The following TULP4 variants were observed in gnomAD, a reference collection of about 807,000 sequenced individuals.
TULP4 encodes the protein tubby-related protein 4.
TULP4 carries 16 observed loss-of-function variants against 129.0 expected under a neutral mutation model. The ratio of observed to expected loss-of-function variants is 0.12; its 90% CI spans 0.08 to 0.19. The LOEUF is 0.19. TULP4 is among the 10% of genes least tolerant of loss of function. TULP4 has a pLI of 1.00. For synonymous variants in TULP4, 998 were observed against 854.0 expected (o/e 1.17, Z -2.94); for missense variants, 1,842 against 2,059.1 (o/e 0.89, Z 2.04).
intron 1 of TULP4, among the ~76,000 whole-genome samples, chr6:158,250,283 G>T (rs548450626): frequency 6.6e-6 from 1 of 151,640 alleles, no homozygotes; most frequent in Admixed American, 6.6e-5. Flanking sequence ...TCAGCCTCCC[G>T]AGCAGCTGGG....
intron 1 of TULP4, among the ~76,000 whole-genome samples, chr6:158,291,849 T>C (rs976747954): frequency 1.3e-5 from 2 of 152,246 alleles, no homozygotes; most frequent in Non-Finnish European, 2.9e-5. Flanking sequence ...AGGTTTTTCA[T>C]TTCTAAAAGA....
At chr6:158,319,025 T>G (rs1168886650) in intron 1 of TULP4, among the ~76,000 whole-genome samples, 1 of 151,674 alleles carries the variant, frequency 6.6e-6, no homozygotes, top group Non-Finnish European at 1.5e-5. Context: ...GGATTATAGG[T>G]GAGAGCCACT....
At chr6:158,239,643 C>T (rs1348703254) in intron 1 of TULP4, among the ~76,000 whole-genome samples, 13 of 65,182 alleles carry the variant, frequency 2.0e-4, no homozygotes, top group African/African-American at 3.6e-4. Flanking sequence ...GGGGGGCTGA[C>T]CCCCCCACCT....
In TULP4 at chr6:158,494,837, C is replaced by G; in HGVS notation, c.1861C>G (p.Leu621Val). The G allele has an allele frequency of 6.2e-7, 1 of 1,614,024 alleles. No homozygotes were observed. The highest frequency in any genetic ancestry group is 8.5e-7 in the Non-Finnish European group (1 of 1,179,926). ...VGLAAFLPTN[L>V]GAVIYKTSLL... is the part of the protein sequence containing the mutation. The stretch of plus-strand genomic sequence containing the variant: ...CTTGGCTGCTTTCCTGCCAACCAAC[C>G]TCGGTGCAGGTAAAAATCATGTCCT... The change falls in exon 11 of 14, where the codon CTC becomes GTC. Residue 621 changes from leucine (L) to valine (V), a missense_variant. Physicochemically the swap from Leu to Val is conservative, Grantham distance 32. Transcript: ENST00000367097.
chr6:158,502,231 CCCACAG>C lies in TULP4; in HGVS notation c.2571_2576del (p.Gln858_Pro859del). 1 of 1,568,016 alleles carries C rather than the reference CCCACAG, an allele frequency of 6.4e-7. No homozygotes were observed. On this transcript the variant is annotated inframe_deletion, in exon 13 of 14. Coordinates refer to ENST00000367097, the MANE Select transcript of TULP4 (RefSeq NM_020245.5). Reference sequence around the variant, plus strand: ...CAGCACCCCCGCCCCCTCTGCCGCCCCCACAGCCCCCAGTGGATGTGTGCTTGAAGA... The same window carrying C: ...CAGCACCCCCGCCCCCTCTGCCGCCCCCCCCAGTGGATGTGTGCTTGAAGA...
At chr6:158,331,947 G>A (rs1276580525) in intron 1 of TULP4, among the ~76,000 whole-genome samples, 70 of 148,020 alleles carry the variant, frequency 4.7e-4, no homozygotes, top group Non-Finnish European at 5.8e-4. Context: ...TGAGGTGGGC[G>A]GATTACCCGA....
intron 1 of TULP4, among the ~76,000 whole-genome samples, chr6:158,384,162 G>A (rs1562543968): frequency 6.6e-6 from 1 of 152,040 alleles, no homozygotes. Context: ...TATTCCAAAT[G>A]GAAATTTCTC....
At chr6:158,463,649 A>ATAT (rs1562577307) in intron 6 of TULP4, among the ~76,000 whole-genome samples, 1 of 137,804 alleles carries the variant, frequency 7.3e-6, no homozygotes, top group Non-Finnish European at 1.5e-5. Flanking sequence ...GTATAATAAA[A>ATAT]ATATATATAT....
At chr6:158,470,249 C>CA (rs1205921092) in intron 6 of TULP4, among the ~76,000 whole-genome samples, 1 of 152,198 alleles carries the variant, frequency 6.6e-6, no homozygotes, top group African/African-American at 2.4e-5. Context: ...GCGACGGCGG[C>CA]AAACAGCAGT....
chr6:158,270,431 A>C (rs262832), intron 1 of TULP4, among the ~76,000 whole-genome samples: 9,779 of 152,070 alleles, frequency 0.064, 380 homozygotes, highest in East Asian at 0.093. Context: ...TATTTTGCCC[A>C]TCTTCTCTCA....
At chr6:158,350,135 C>G in intron 1 of TULP4, among the ~76,000 whole-genome samples, 1 of 142,456 alleles carries the variant, frequency 7.0e-6, no homozygotes, top group Non-Finnish European at 1.5e-5. Flanking sequence ...TCGGGGCAAC[C>G]GAGCAGAGGC....
chr6:158,237,841 G>A lies in TULP4; in HGVS notation n.68+5538G>A, dbSNP rs900304774. The A allele has an allele frequency of 2.4e-5, 18 of 756,920 alleles. 1 individual carries two copies. The East Asian group carries it at 2.5e-4, about 10-fold the overall frequency. 46.9% of individuals were successfully genotyped at this position (756,920 alleles called of 1,614,324 possible). ...TGATGGCAAATGTTTACTAAGAGCT[G>A]TGCCTTTCTCTGGATCTGCAAGTGA... On this transcript the variant is annotated intron_variant and non_coding_transcript_variant, in intron 1 of 1. Transcript: ENST00000620026.
rs71030149 is a variant in TULP4, at chr6:158,236,795, C to CTTTT, written n.68+4525_68+4528dup. Among the ~76,000 whole-genome samples the CTTTT allele has an allele frequency of 1.4e-3, 89 of 63,248 alleles. 15 individuals carry two copies. The highest frequency in any genetic ancestry group is 2.0e-3 in the Non-Finnish European group (65 of 32,184). The allele number at this position is 63,248 out of a possible 152,430, so 41.5% of individuals were successfully genotyped here. On this transcript the variant is annotated intron_variant and non_coding_transcript_variant, in intron 1 of 1. Transcript: ENST00000620026. ...AGATGGGTAAATGCCCAATTCTTTT[C>CTTTT]TTTTTTTTTTTTTTTTTTTTTTTTT... is the stretch of plus-strand genomic sequence containing the variant.
At chr6:158,410,848 C>T (rs370108703) in intron 1 of TULP4, among the ~76,000 whole-genome samples, 22 of 152,198 alleles carry the variant, frequency 1.4e-4, no homozygotes, top group East Asian at 1.2e-3. Context: ...TTGCCCTGCT[C>T]CCCACATGAG....
At chr6:158,425,368 C>G (rs932446974) in intron 2 of TULP4, among the ~76,000 whole-genome samples, 1 of 151,174 alleles carries the variant, frequency 6.6e-6, no homozygotes, top group African/African-American at 2.4e-5. Flanking sequence ...ACAAAATTAG[C>G]CAGGTATGGT....
chr6:158,480,693 G>GT (rs58685533), intron 7 of TULP4, among the ~76,000 whole-genome samples: 2,950 of 150,774 alleles, frequency 0.02, 56 homozygotes, highest in African/African-American at 0.042. Context: ...CTGTTGGGTT[G>GT]TTTTTTTTTC....
At chr6:158,262,654 CG>C (rs779315370) in intron 1 of TULP4, among the ~76,000 whole-genome samples, 2 of 152,048 alleles carry the variant, frequency 1.3e-5, no homozygotes, top group Non-Finnish European at 2.9e-5. Context: ...GTGAGGATTC[CG>C]GAAGAGTCTG....
At position 158,384,289 on chromosome 6, in the gene TULP4, CT is replaced by C. The variant is rs10634916; in HGVS notation, c.253-28763del. Among the ~76,000 whole-genome samples the C allele has an allele frequency of 1.4e-3, 201 of 144,488 alleles. 1 individual carries two copies. The highest frequency in any genetic ancestry group is 4.5e-3 in the African/African-American group (176 of 38,996). 94.8% of individuals were successfully genotyped at this position (144,488 alleles called of 152,430 possible). ...GTGTAAGAACCACATGCCTGTTTAG[CT>C]TTTTTTTTTTTTCTTGAGACAGAGT... On this transcript the variant is annotated intron_variant, in intron 1 of 13. Transcript: ENST00000367097.
At chr6:158,490,925 A>G (rs1780185121) in intron 9 of TULP4, among the ~76,000 whole-genome samples, 1 of 152,166 alleles carries the variant, frequency 6.6e-6, no homozygotes, top group Admixed American at 6.5e-5. Context: ...CTGTTTACCA[A>G]TCAATGGATA....
Sources: allele counts gnomAD v4.1 joint callset (sites outside exome capture counted in the v4.1 genomes callset), GRCh38; gene constraint gnomAD v4.1.1; transcripts MANE v1.5; gene names NCBI Gene and HGNC (gene_info 2026-07-23, HGNC 2026-07-21).